PCDH7: variants seen among roughly 807,000 people sequenced by gnomAD.
PCDH7 encodes the protein protocadherin-7.
In PCDH7, 17 loss-of-function variants were observed where a neutral mutation model predicts 58.9. That is an observed-to-expected ratio of 0.29 (90% CI 0.20 to 0.43). The LOEUF (loss-of-function observed/expected upper bound fraction) is 0.43, where lower values mean the gene tolerates loss of function less well. PCDH7 is among the 20% of genes least tolerant of loss of function. PCDH7 has a pLI of 1.00. For missense variants in PCDH7, 1,274 were observed against 1,441.0 expected (o/e 0.88, Z 1.88); for synonymous variants, 664 against 616.4 (o/e 1.08, Z -1.14).
intron 1 of PCDH7, among the ~76,000 whole-genome samples, chr4:30,786,362 T>A (rs1723394581): frequency 6.6e-6 from 1 of 152,046 alleles, no homozygotes; most frequent in Admixed American, 6.6e-5. Flanking sequence ...CTTATTTGTA[T>A]TTGTAATATA....
chr4:30,747,828 A>G (rs529668255), intron 1 of PCDH7, among the ~76,000 whole-genome samples: 18 of 152,334 alleles, frequency 1.2e-4, no homozygotes, highest in African/African-American at 4.3e-4. Flanking sequence ...TGATTGGCAG[A>G]CATTCCCAAA....
intron 3 of PCDH7, among the ~76,000 whole-genome samples, chr4:30,967,124 A>G (rs1749067688): frequency 6.6e-6 from 1 of 152,160 alleles, no homozygotes; most frequent in African/African-American, 2.4e-5. Context: ...TTGTAACTTA[A>G]AAAGTTGTTT....
At chr4:30,933,560 A>G (rs908808164) in intron 2 of PCDH7, among the ~76,000 whole-genome samples, 5 of 152,274 alleles carry the variant, frequency 3.3e-5, no homozygotes, top group Non-Finnish European at 5.9e-5. Flanking sequence ...TAAAATATAT[A>G]AAGGATTTTT....
At chr4:30,748,242 G>A (rs1001358949) in intron 1 of PCDH7, among the ~76,000 whole-genome samples, 10 of 152,170 alleles carry the variant, frequency 6.6e-5, no homozygotes, top group African/African-American at 1.7e-4. Flanking sequence ...ATCAGAGGCC[G>A]AGAAGGGGTG....
chr4:30,758,939 T>TG (rs1719665215), intron 1 of PCDH7, among the ~76,000 whole-genome samples: 1 of 97,612 alleles, frequency 1.0e-5, no homozygotes, highest in Non-Finnish European at 2.0e-5. Flanking sequence ...TTTGAAGAAG[T>TG]GTTTTTTTTT....
chr4:30,994,311 C>T (rs994333576), intron 3 of PCDH7, among the ~76,000 whole-genome samples: 1 of 152,088 alleles, frequency 6.6e-6, no homozygotes, highest in African/African-American at 2.4e-5. Flanking sequence ...GTATTCTCAC[C>T]CCAATACTCT....
intron 1 of PCDH7, among the ~76,000 whole-genome samples, chr4:30,781,376 G>A (rs1280477779): frequency 2.0e-5 from 3 of 151,898 alleles, no homozygotes; most frequent in South Asian, 2.1e-4. Context: ...TCCTGACCTC[G>A]TGAACCGCCG....
intron 1 of PCDH7, among the ~76,000 whole-genome samples, chr4:30,912,545 A>T (rs1741922659): frequency 6.6e-6 from 1 of 152,332 alleles, no homozygotes; most frequent in Non-Finnish European, 1.5e-5. Flanking sequence ...ATTCAGAAAT[A>T]ATTGATGTGA....
At chr4:30,805,293 G>T (rs1291370884) in intron 1 of PCDH7, among the ~76,000 whole-genome samples, 1 of 152,068 alleles carries the variant, frequency 6.6e-6, no homozygotes, top group Non-Finnish European at 1.5e-5. Context: ...CATATGGTAG[G>T]GGGTCATATG....
chr4:30,737,685 G>A (rs1033785169), downstream of PCDH7, among the ~76,000 whole-genome samples: 2 of 152,134 alleles, frequency 1.3e-5, no homozygotes, highest in Admixed American at 6.6e-5. Context: ...ATACCAGTAG[G>A]CACTGGGTAT....
chr4:30,859,795 C>T (rs552104315), intron 1 of PCDH7, among the ~76,000 whole-genome samples: 2 of 152,090 alleles, frequency 1.3e-5, no homozygotes, highest in Admixed American at 1.3e-4. Flanking sequence ...AAGAATTTAG[C>T]TGATTGGAAG....
rs185258728 is a variant in PCDH7 at position 30,893,544 on chromosome 4, G to A, written c.71-26609G>A. Among the ~76,000 whole-genome samples the A allele has an allele frequency of 2.4e-4, 36 of 152,180 alleles. 1 individual carries two copies. Among genetic ancestry groups the A allele is most frequent in the African/African-American group, 8.7e-4 (36 of 41,558 alleles). Reference sequence around the variant, plus strand: ...CTTTGAATATGAAGTCAGAAGTTTAGCACATATTCAAGTTTGCAGGTATAT... The same window carrying A: ...CTTTGAATATGAAGTCAGAAGTTTAACACATATTCAAGTTTGCAGGTATAT... On this transcript the variant is annotated intron_variant, in intron 1 of 3. Transcript: ENST00000509759.
chr4:30,977,859 T>C (rs972232978), intron 3 of PCDH7, among the ~76,000 whole-genome samples: 1 of 152,202 alleles, frequency 6.6e-6, no homozygotes, highest in African/African-American at 2.4e-5. Flanking sequence ...TGAACAATTG[T>C]ATTTTCCCAT....
At chr4:31,038,199 G>C (rs563541417) in intron 3 of PCDH7, among the ~76,000 whole-genome samples, 1 of 152,178 alleles carries the variant, frequency 6.6e-6, no homozygotes, top group Admixed American at 6.5e-5. Context: ...CGAGGAGATT[G>C]TTTGATATCT....
rs890312501 is a variant in PCDH7, at chr4:30,877,964, A to G, written c.71-42189A>G. Among the ~76,000 whole-genome samples, 6 of 152,256 alleles carry G rather than the reference A, an allele frequency of 3.9e-5. No individual in the cohort carries two copies. In the South Asian group the frequency reaches 6.2e-4, roughly 16 times the overall value. ...TTGTTTATAGCAAAAATAACTCACT[A>G]TGAGAAAAATGAGGTAGAAGAGTTT... On this transcript the variant is annotated intron_variant, in intron 1 of 3. Transcript: ENST00000509759.
At chr4:31,043,893 T>A (rs1756083043) in intron 3 of PCDH7, among the ~76,000 whole-genome samples, 1 of 152,150 alleles carries the variant, frequency 6.6e-6, no homozygotes, top group Non-Finnish European at 1.5e-5. Flanking sequence ...TTCAAGGCAA[T>A]TGCTTTGTCA....
intron 1 of PCDH7, among the ~76,000 whole-genome samples, chr4:30,894,516 TACACACAC>T (rs55942705): frequency 0.047 from 1,511 of 32,000 alleles, 63 homozygotes; most frequent in African/African-American, 0.13. Context: ...TATATATATA[TACACACAC>T]ACACACACAC....
At chr4:30,777,604 T>C (rs1054956359) in intron 1 of PCDH7, among the ~76,000 whole-genome samples, 1 of 152,188 alleles carries the variant, frequency 6.6e-6, no homozygotes, top group Non-Finnish European at 1.5e-5. Context: ...TTCTCAGTTT[T>C]TATTATATTA....
At chr4:30,836,575 T>C (rs1334752134) in intron 1 of PCDH7, among the ~76,000 whole-genome samples, 2 of 152,212 alleles carry the variant, frequency 1.3e-5, no homozygotes, top group Non-Finnish European at 1.5e-5. Flanking sequence ...AATTTTTTCA[T>C]AGCAACATTT....
Sources: gnomAD v4.1 joint callset for allele counts (sites outside exome capture counted in the v4.1 genomes callset) on GRCh38, gnomAD v4.1.1 for gene constraint, MANE v1.5 for transcripts, NCBI Gene and HGNC (gene_info 2026-07-23, HGNC 2026-07-21) for gene names.